Variants in TET2 observed in about 807,000 individuals in gnomAD.
TET2 encodes the protein tet methylcytosine dioxygenase 2, also known as methylcytosine dioxygenase TET2.
Under a neutral mutation model 142.9 loss-of-function variants are expected in TET2, and 299 were observed. The ratio of observed to expected loss-of-function variants is 2.09; its 90% CI spans 1.90 to 2.30. The LOEUF is 2.30. TET2 is among the 30% of genes most tolerant of loss of function. The probability of loss-of-function intolerance (pLI) is 0.00; values close to 1 mark genes in which losing one functional copy is unlikely to be tolerated. For missense variants in TET2, 2,418 were observed against 2,378.0 expected, an observed-to-expected ratio of 1.02 and a Z score of -0.35; for synonymous variants, 819 against 849.0, an observed-to-expected ratio of 0.96 and a Z score of 0.61.
intron 3 of TET2, chr4:105,237,869 G>T (rs1729052040): frequency 1.9e-6 from 2 of 1,060,658 alleles, no homozygotes; most frequent in Non-Finnish European, 2.3e-6. Flanking sequence ...CACTCTTAGT[G>T]CTCCTAAAGT....
chr4:105,263,287 T>A (rs1022540579), intron 8 of TET2, among the ~76,000 whole-genome samples: 15 of 152,178 alleles, frequency 9.9e-5, no homozygotes, highest in African/African-American at 3.6e-4. Flanking sequence ...GGTAAAGTGA[T>A]GTAATTCGTA....
At chr4:105,186,882 T>G (rs1725488182) in intron 1 of TET2, among the ~76,000 whole-genome samples, 1 of 152,228 alleles carries the variant, frequency 6.6e-6, no homozygotes, top group South Asian at 2.1e-4. Flanking sequence ...TTTGCAAAGC[T>G]GAACAAAGCC....
intron 1 of TET2, among the ~76,000 whole-genome samples, chr4:105,189,621 T>A (rs73836047): frequency 0.056 from 8,566 of 152,254 alleles, 668 homozygotes; most frequent in African/African-American, 0.17. Context: ...CTACTCCCTT[T>A]TATCAGTGCA....
intron 2 of TET2, chr4:105,190,819 C>G: frequency 4.1e-6 from 1 of 244,354 alleles, no homozygotes; most frequent in South Asian, 1.1e-4. Context: ...AATGTGATAT[C>G]TATAACCAGT....
chr4:105,263,074 G>A (rs1170606906), intron 8 of TET2, among the ~76,000 whole-genome samples: 3 of 150,642 alleles, frequency 2.0e-5, no homozygotes, highest in Non-Finnish European at 2.9e-5. Context: ...AGTGGAGACA[G>A]AGACATATAA....
chr4:105,226,099 TAA>T (rs146417021), intron 2 of TET2, among the ~76,000 whole-genome samples: 2 of 151,144 alleles, frequency 1.3e-5, no homozygotes, highest in Non-Finnish European at 1.5e-5. Flanking sequence ...TCCTAAACCT[TAA>T]AAAAAAAGCT....
chr4:105,200,242 T>G (rs1299410594), intron 2 of TET2, among the ~76,000 whole-genome samples: 1 of 152,214 alleles, frequency 6.6e-6, no homozygotes, highest in Non-Finnish European at 1.5e-5. Context: ...TCCTGACTGG[T>G]GTGAGATGGT....
rs1370190027 is a variant in TET2, at chr4:105,277,509, G to A, written c.*990G>A. On this transcript the variant is annotated 3_prime_UTR_variant, in exon 11 of 11. Coordinates refer to ENST00000380013, the MANE Select transcript of TET2 (RefSeq NM_001127208.3). ...GTTTACTTTCATTTTAGAATGCAAA[G>A]TTGATTTTTTTAAGGAAACAAAGAA... The A allele has an allele frequency of 4.4e-6, 1 of 226,602 alleles. No homozygotes were observed. Among genetic ancestry groups the A allele is most frequent in the Non-Finnish European group, 8.8e-6 (1 of 114,116 alleles). The allele number at this position is 226,602 out of a possible 1,614,324, so 14.0% of individuals were successfully genotyped here.
At position 105,243,566 on chromosome 4, in the gene TET2, G is replaced by C. The variant is rs72963007; in HGVS notation, c.3595-4G>C. On this transcript the variant is annotated splice_region_variant and splice_polypyrimidine_tract_variant and intron_variant, in intron 5 of 10. Coordinates refer to ENST00000380013, the MANE Select transcript of TET2 (RefSeq NM_001127208.3). The stretch of plus-strand genomic sequence containing the variant: ...TGTTTGGGATGGAATGGTGATCCAC[G>C]CAGGTGGTTCGCAGAAGCAGCAGTG... The C allele has an allele frequency of 6.4e-7, 1 of 1,551,434 alleles. No homozygotes were observed. Among genetic ancestry groups the C allele is most frequent in the Non-Finnish European group, 8.7e-7 (1 of 1,146,880 alleles).
rs2110307455 is a variant in TET2, at chr4:105,272,914, G to A, written c.4533G>A (p.Leu1511=). The A allele has an allele frequency of 6.6e-7, 1 of 1,522,728 alleles. No individual in the cohort carries two copies. The highest frequency in any genetic ancestry group is 1.4e-5 in the African/African-American group (1 of 71,320). The allele number at this position is 1,522,728 out of a possible 1,614,324, so 94.3% of individuals were successfully genotyped here. ...QTENASQAKQ[L]AELLRLSGPV... ...AAAACGCAAGCCAGGCTAAACAGTT[G>A]GCAGGTAAATTTAATGTAAAGCATT... The change falls in exon 10 of 11, where the codon TTG becomes TTA. Residue 1511 remains leucine, a synonymous_variant. Coordinates refer to ENST00000380013, the MANE Select transcript of TET2 (RefSeq NM_001127208.3).
chr4:105,236,733 C>G lies in TET2; in HGVS notation c.2791C>G (p.Pro931Ala). 1.2e-6 allele frequency: 2 copies of G among 1,614,076 alleles called. No individual in the cohort carries two copies. The highest frequency in any genetic ancestry group is 8.5e-7 in the Non-Finnish European group (1 of 1,180,006). The stretch of plus-strand genomic sequence containing the variant: ...TAACCATGCAAATGTTTTTCCTGTG[C>G]CTGACCAGGGAGGAAGTCACACTCA... ...IHNHANVFPV[P>A]DQGGSHTQTP... Residue 931 changes from proline to alanine, a missense_variant, in exon 3 of 11, where the codon CCT becomes GCT. Transcript: ENST00000380013.
chr4:105,242,803 A>G (rs1729374151), intron 4 of TET2, 31 bp from the exon 5 acceptor site: 3 of 1,542,796 alleles, frequency 1.9e-6, no homozygotes, highest in African/African-American at 1.4e-5. Flanking sequence ...TGCTAATTGT[A>G]TGTGTGTGTG....
At chr4:105,175,466 C>T (rs750062908) in intron 1 of TET2, among the ~76,000 whole-genome samples, 1 of 151,730 alleles carries the variant, frequency 6.6e-6, no homozygotes, top group East Asian at 1.9e-4. Context: ...GTAGATTGAA[C>T]ATAGCCGAGG....
In TET2 at chr4:105,234,178, C is replaced by T. The variant is rs2110220165; in HGVS notation, c.236C>T (p.Thr79Ile). 1 of 1,614,148 alleles carries T rather than the reference C, an allele frequency of 6.2e-7. No individual in the cohort carries two copies. Among genetic ancestry groups the T allele is most frequent in the Non-Finnish European group, 8.5e-7 (1 of 1,180,012 alleles). ...SQNSRVSPDF[T>I]QESRGYSKCL... is the part of the protein sequence containing the mutation. Reference sequence around the variant, plus strand: ...AATAGTCGTGTGAGTCCTGACTTTACACAAGAAAGTAGAGGGTATTCCAAG... The same window carrying T: ...AATAGTCGTGTGAGTCCTGACTTTATACAAGAAAGTAGAGGGTATTCCAAG... Residue 79 changes from threonine to isoleucine, a missense_variant, in exon 3 of 11, where the codon ACA becomes ATA. Coordinates refer to ENST00000380013, the MANE Select transcript of TET2 (RefSeq NM_001127208.3).
At chr4:105,166,299 G>T (rs989892162) in intron 1 of TET2, among the ~76,000 whole-genome samples, 1 of 151,998 alleles carries the variant, frequency 6.6e-6, no homozygotes, top group African/African-American at 2.4e-5. Flanking sequence ...TCAAAATTAT[G>T]CCACATTTTT....
At chr4:105,201,066 C>T (rs1162549647) in intron 2 of TET2, among the ~76,000 whole-genome samples, 2 of 152,162 alleles carry the variant, frequency 1.3e-5, no homozygotes, top group Non-Finnish European at 2.9e-5. Context: ...ATTATTACAT[C>T]TTGAGTTACT....
At chr4:105,246,961 A>G (rs547894510) in intron 6 of TET2, among the ~76,000 whole-genome samples, 4 of 152,214 alleles carry the variant, frequency 2.6e-5, no homozygotes, top group Non-Finnish European at 5.9e-5. Context: ...AAGTCTAACC[A>G]GTATTTTTTT....
intron 1 of TET2, among the ~76,000 whole-genome samples, chr4:105,169,585 T>TA: frequency 6.6e-6 from 1 of 152,308 alleles, no homozygotes; most frequent in South Asian, 2.1e-4. Flanking sequence ...TTTGTTTAAT[T>TA]AAGTCTCACC....
intron 8 of TET2, among the ~76,000 whole-genome samples, chr4:105,262,601 G>T (rs1372753126): frequency 6.6e-6 from 1 of 152,128 alleles, no homozygotes; most frequent in Non-Finnish European, 1.5e-5. Context: ...TTCCGTCTTT[G>T]CTGGGTACGG....
Sources: allele counts gnomAD v4.1 joint callset (sites outside exome capture counted in the v4.1 genomes callset), GRCh38; gene constraint gnomAD v4.1.1; transcripts MANE v1.5; gene names NCBI Gene and HGNC (gene_info 2026-07-23, HGNC 2026-07-21).